Variants in ZFHX3 observed in about 807,000 individuals in gnomAD.
The protein encoded by ZFHX3 is zinc finger homeobox protein 3.
In ZFHX3, 42 loss-of-function variants were observed where a neutral mutation model predicts 279.1. That is an observed-to-expected ratio of 0.15 (90% CI 0.12 to 0.19). ZFHX3 has a LOEUF of 0.19. ZFHX3 is among the 10% of genes least tolerant of loss of function. The probability of loss-of-function intolerance (pLI) is 1.00; values close to 1 mark genes in which losing one functional copy is unlikely to be tolerated. For missense variants in ZFHX3, 4,981 were observed against 4,754.0 expected (o/e 1.05, Z -1.40); for synonymous variants, 2,293 against 1,957.8 (o/e 1.17, Z -4.52).
intron 5 of ZFHX3, among the ~76,000 whole-genome samples, chr16:73,175,730 T>A (rs971946040): frequency 3.3e-5 from 5 of 152,228 alleles, no homozygotes; most frequent in Non-Finnish European, 7.3e-5. Flanking sequence ...CTCTTTTTTA[T>A]CCTTTGGGTT....
At chr16:72,930,205 T>C (rs1230746925) in intron 3 of ZFHX3, among the ~76,000 whole-genome samples, 1 of 151,820 alleles carries the variant, frequency 6.6e-6, no homozygotes, top group Non-Finnish European at 1.5e-5. Flanking sequence ...GTGACAAGAG[T>C]GAAACTCAGT....
At position 73,235,680 on chromosome 16, in the gene ZFHX3, G is replaced by GTT. The variant is rs201855313; in HGVS notation, c.-1104+21365_-1104+21366dup. 3.5e-3 allele frequency among the ~76,000 whole-genome samples: 519 copies of GTT among 147,162 alleles called. 5 individuals are homozygous for GTT. Among genetic ancestry groups the GTT allele is most frequent in the African/African-American group, 0.012 (483 of 40,316 alleles). Reference sequence around the variant, plus strand: ...TGTGTAAATATCAAATATATCAATTGTTTTTTTTTTTAGATAGCATCTCGC... The same window carrying GTT: ...TGTGTAAATATCAAATATATCAATTGTTTTTTTTTTTTTAGATAGCATCTCGC... On this transcript the variant is annotated intron_variant, in intron 5 of 17. Coordinates refer to the ZFHX3 transcript ENST00000641206.
chr16:73,733,804 G>T (rs888362924), intron 1 of ZFHX3, among the ~76,000 whole-genome samples: 2 of 152,132 alleles, frequency 1.3e-5, no homozygotes, highest in African/African-American at 4.8e-5. Context: ...TGAAAAATTT[G>T]TATACAAGAA....
chr16:73,143,821 T>C (rs1966853835), exon 6 of ZFHX3: 3 of 1,297,298 alleles, frequency 2.3e-6, no homozygotes, highest in African/African-American at 1.5e-5. Flanking sequence ...TTGTAACTTA[T>C]ATCTTCCGAG....
chr16:73,336,968 G>T (rs895156820), intron 3 of ZFHX3, among the ~76,000 whole-genome samples: 1 of 151,996 alleles, frequency 6.6e-6, no homozygotes, highest in Non-Finnish European at 1.5e-5. Flanking sequence ...AAGATTTAAG[G>T]CAGACCTACA....
chr16:73,204,181 G>A (rs937408038), intron 5 of ZFHX3, among the ~76,000 whole-genome samples: 8 of 151,962 alleles, frequency 5.3e-5, no homozygotes, highest in South Asian at 4.2e-4. Flanking sequence ...GTTTTTCCAC[G>A]GACTATGGGT....
intron 7 of ZFHX3, among the ~76,000 whole-genome samples, chr16:72,806,377 G>A (rs9302643): frequency 0.012 from 1,788 of 152,300 alleles, 40 homozygotes; most frequent in African/African-American, 0.041. Flanking sequence ...GCAGAGAGGT[G>A]AGAACTGAGA....
chr16:73,689,650 G>A (rs898351468), intron 1 of ZFHX3, among the ~76,000 whole-genome samples: 2 of 152,198 alleles, frequency 1.3e-5, no homozygotes, highest in Non-Finnish European at 2.9e-5. Flanking sequence ...GCAGGTCCAT[G>A]AGAAGGCCAT....
intron 8 of ZFHX3, among the ~76,000 whole-genome samples, chr16:73,075,362 C>A (rs1965876066): frequency 6.6e-6 from 1 of 152,088 alleles, no homozygotes; most frequent in Non-Finnish European, 1.5e-5. Flanking sequence ...GACATAATAT[C>A]TACTGCTGAG....
intron 1 of ZFHX3, among the ~76,000 whole-genome samples, chr16:73,047,023 C>G (rs1965325232): frequency 6.6e-6 from 1 of 152,252 alleles, no homozygotes; most frequent in South Asian, 2.1e-4. Flanking sequence ...GAGCTGCAGT[C>G]TTTGCCCTCC....
exon 1 of ZFHX3, chr16:73,059,444 C>T (rs1230690315): frequency 6.7e-6 from 1 of 150,330 alleles, no homozygotes; most frequent in Non-Finnish European, 1.5e-5. Context: ...ACAATAGGAA[C>T]CTGGCTAAGA....
At chr16:73,881,260 G>A (rs992687574) in intron 1 of ZFHX3, among the ~76,000 whole-genome samples, 1 of 152,130 alleles carries the variant, frequency 6.6e-6, no homozygotes, top group African/African-American at 2.4e-5. Context: ...GGGCTGCAGT[G>A]CGGAGCAGAC....
intron 1 of ZFHX3, among the ~76,000 whole-genome samples, chr16:73,797,238 A>C (rs1472033919): frequency 6.6e-6 from 1 of 152,030 alleles, no homozygotes; most frequent in East Asian, 1.9e-4. Flanking sequence ...CAACAACAAA[A>C]CAGAAGTAGT....
chr16:73,580,510 A>AAC (rs1409264775), intron 2 of ZFHX3, among the ~76,000 whole-genome samples: 3 of 128,582 alleles, frequency 2.3e-5, no homozygotes, highest in African/African-American at 1.2e-4. Context: ...CAAACAAACA[A>AAC]AAAAAAAAAA....
intron 2 of ZFHX3, among the ~76,000 whole-genome samples, chr16:73,485,685 T>C (rs1353727758): frequency 6.6e-6 from 1 of 152,130 alleles, no homozygotes; most frequent in Admixed American, 6.5e-5. Flanking sequence ...TCTCTTATTT[T>C]CACACAAGCT....
intron 3 of ZFHX3, among the ~76,000 whole-genome samples, chr16:73,418,027 C>T (rs2017629797): frequency 6.8e-6 from 1 of 146,652 alleles, no homozygotes; most frequent in African/African-American, 2.5e-5. Context: ...AAAGAAAAGG[C>T]TGTGGGATGC....
At chr16:73,716,524 T>G (rs2053415777) in intron 1 of ZFHX3, among the ~76,000 whole-genome samples, 1 of 152,002 alleles carries the variant, frequency 6.6e-6, no homozygotes, top group South Asian at 2.1e-4. Context: ...ACCTCCCACC[T>G]CTCAAGGACA....
chr16:73,052,605 G>A (rs766577207), upstream of ZFHX3, among the ~76,000 whole-genome samples: 17 of 152,118 alleles, frequency 1.1e-4, no homozygotes, highest in Admixed American at 2.0e-4. Flanking sequence ...TTTCTATTGA[G>A]GCTGTTCCAA....
intron 3 of ZFHX3, among the ~76,000 whole-genome samples, chr16:73,404,588 CATTATTGTTA>C (rs1423373541): frequency 1.3e-5 from 2 of 152,182 alleles, no homozygotes; most frequent in African/African-American, 4.8e-5. Context: ...TTGTTGGTAT[CATTATTGTTA>C]ATAGATGCCA....
Sources: allele counts gnomAD v4.1 joint callset (sites outside exome capture counted in the v4.1 genomes callset), GRCh38; gene constraint gnomAD v4.1.1; transcripts MANE v1.5; gene names NCBI Gene and HGNC (gene_info 2026-07-23, HGNC 2026-07-21).